The following PIEZO2 variants were observed in gnomAD, a reference collection of about 807,000 sequenced individuals.
PIEZO2 encodes the protein piezo-type mechanosensitive ion channel component 2.
In PIEZO2, 172 loss-of-function variants were observed where a neutral mutation model predicts 337.3. That is an observed-to-expected ratio of 0.51 (90% confidence interval 0.45 to 0.58). The LOEUF (loss-of-function observed/expected upper bound fraction) is 0.58. Among genes scored for constraint, PIEZO2 ranks in the 20% least tolerant of loss-of-function variants. The probability of loss-of-function intolerance (pLI) is 0.00; values close to 1 mark genes in which losing one functional copy is unlikely to be tolerated. For synonymous variants in PIEZO2, 1,251 were observed against 1,228.5 expected, an observed-to-expected ratio of 1.02 and a Z score of -0.38; for missense variants, 3,028 against 3,391.3, an observed-to-expected ratio of 0.89 and a Z score of 2.66.
intron 1 of PIEZO2, 34 bp from the exon 2 acceptor site, chr18:11,066,256 T>A: frequency 2.0e-6 from 3 of 1,488,724 alleles, no homozygotes; most frequent in Non-Finnish European, 2.7e-6. Flanking sequence ...AGTGAGAAGA[T>A]CATTAACAAA....
intron 2 of PIEZO2, among the ~76,000 whole-genome samples, chr18:11,018,220 GGT>G (rs3971612): frequency 0.35 from 49,937 of 143,594 alleles, 8,573 homozygotes; most frequent in African/African-American, 0.39. Flanking sequence ...TGGTGGTGGT[GGT>G]GTGTGTGTGT....
rs541203081 is a variant in PIEZO2 at position 10,780,685 on chromosome 18, T to C, written c.2493-319A>G. Reference sequence around the variant, plus strand: ...TTAAGGTACCTTTTTTTTTTTTTTTTCAGAGTCTTGCTCTGTCACCCAGGC... The same window carrying C: ...TTAAGGTACCTTTTTTTTTTTTTTTCCAGAGTCTTGCTCTGTCACCCAGGC... On this transcript the variant is annotated intron_variant, in intron 17 of 55. Coordinates refer to ENST00000674853, the MANE Select transcript of PIEZO2 (RefSeq NM_001378183.1). Among the ~76,000 whole-genome samples the C allele has an allele frequency of 1.3e-4, 20 of 150,430 alleles. No individual in the cohort carries two copies. In the South Asian group the frequency reaches 1.5e-3, roughly 11 times the overall value.
intron 3 of PIEZO2, among the ~76,000 whole-genome samples, chr18:10,978,682 T>G (rs140628750): frequency 1.3e-5 from 2 of 152,326 alleles, no homozygotes; most frequent in African/African-American, 4.8e-5. Context: ...AAAAGCAAGT[T>G]TGCTTGTACT....
intron 48 of PIEZO2, among the ~76,000 whole-genome samples, chr18:10,690,741 G>C (rs2034780229): frequency 6.6e-6 from 1 of 152,184 alleles, no homozygotes; most frequent in Non-Finnish European, 1.5e-5. Context: ...CATGTGCTTT[G>C]AGTAGTTAAC....
rs2144028224 is a variant in PIEZO2 at position 10,727,109 on chromosome 18, T to C, written c.5029+4298A>G. The stretch of plus-strand genomic sequence containing the variant: ...GGCAACATCAAAGGGTTTGTGTCCC[T>C]TGCTAGCCTCCCTGGGGCCTGGGGA... On this transcript the variant is annotated intron_variant, in intron 36 of 55. Transcript: ENST00000674853. This position sits in a 1 kb window ranked among gnomAD's most constrained non-coding sequence, Gnocchi z 6.3. 6.4e-6 allele frequency: 3 copies of C among 469,128 alleles called. No homozygotes were observed. In the South Asian group the frequency reaches 1.4e-4, roughly 21 times the overall value. 29.1% of individuals were successfully genotyped at this position (469,128 alleles called of 1,614,324 possible). A position where few individuals can be genotyped will look rare whatever the true frequency, so the allele number is the denominator to read the frequency against.
In PIEZO2 at chr18:10,698,975, C is replaced by T; in HGVS notation, c.6644G>A (p.Ser2215Asn). ...GCTGGATCTCTGGGATGGCTCGGAG[C>T]TGCTGCCGGAGCGCTTCCTCCGGAC... ...TAVRRKRSGS[S>N]SEPSQRSSFS... The change falls in exon 44 of 56, where the codon AGC becomes AAC. Residue 2215 changes from serine (S) to asparagine (N), a missense_variant. Transcript: ENST00000674853. 1 of 1,536,912 alleles carries T rather than the reference C, an allele frequency of 6.5e-7. No individual in the cohort carries two copies. The highest frequency in any genetic ancestry group is 8.7e-7 in the Non-Finnish European group (1 of 1,146,916).
At chr18:10,884,112 A>C (rs144272798) in intron 4 of PIEZO2, among the ~76,000 whole-genome samples, 31 of 152,092 alleles carry the variant, frequency 2.0e-4, no homozygotes, top group African/African-American at 7.2e-4. Flanking sequence ...CAACTGGCCT[A>C]TGAGTCCTAC....
chr18:10,703,939 G>C (rs912743669), intron 42 of PIEZO2, among the ~76,000 whole-genome samples: 23 of 152,116 alleles, frequency 1.5e-4, no homozygotes, highest in Non-Finnish European at 1.0e-4. Flanking sequence ...CCAAAGTGCC[G>C]GACTGTATGA....
At chr18:10,934,636 CGTGTGTGTGTGTGTGTGT>C (rs59190236) in intron 3 of PIEZO2, among the ~76,000 whole-genome samples, 1 of 130,736 alleles carries the variant, frequency 7.6e-6, no homozygotes, top group African/African-American at 2.9e-5. Flanking sequence ...ATTGTGTGTA[CGTGTGTGTGTGTGTGTGT>C]GTGTGTGTGT....
chr18:11,140,626 T>A (rs2040615423), intron 1 of PIEZO2, among the ~76,000 whole-genome samples: 1 of 151,404 alleles, frequency 6.6e-6, no homozygotes, highest in Non-Finnish European at 1.5e-5. Flanking sequence ...TTAGTGTAGA[T>A]CCTCAGAAAA....
intron 2 of PIEZO2, among the ~76,000 whole-genome samples, chr18:11,015,641 T>C (rs544068375): frequency 8.2e-4 from 125 of 152,286 alleles, no homozygotes; most frequent in South Asian, 1.2e-3. Flanking sequence ...GGTGGGCCCC[T>C]TTCCTGCTGC....
intron 32 of PIEZO2, among the ~76,000 whole-genome samples, chr18:10,742,205 G>T (rs569016517): frequency 6.6e-6 from 1 of 152,122 alleles, no homozygotes; most frequent in Non-Finnish European, 1.5e-5. Flanking sequence ...ACAAAATCCT[G>T]CCAATCTACT....
intron 47 of PIEZO2, 56 bp from the exon 48 acceptor site, chr18:10,691,439 G>A: frequency 6.5e-7 from 1 of 1,544,414 alleles, no homozygotes; most frequent in Non-Finnish European, 8.8e-7. Flanking sequence ...GAAACAAAAG[G>A]ATGGCAGTGT....
At chr18:11,012,657 A>G (rs1490465603) in intron 2 of PIEZO2, among the ~76,000 whole-genome samples, 1 of 152,204 alleles carries the variant, frequency 6.6e-6, no homozygotes, top group Non-Finnish European at 1.5e-5. Context: ...CTAGGCAGCC[A>G]TCCTTCTCTA....
chr18:10,752,981 C>T, intron 27 of PIEZO2, 102 bp from the exon 28 acceptor site: 5 of 1,361,082 alleles, frequency 3.7e-6, no homozygotes, highest in South Asian at 1.5e-5. Context: ...CTCTCTGCTG[C>T]ACCTTGCAAA....
At chr18:10,994,812 T>C (rs1475490169) in intron 2 of PIEZO2, among the ~76,000 whole-genome samples, 2 of 151,660 alleles carry the variant, frequency 1.3e-5, no homozygotes, top group African/African-American at 2.4e-5. Flanking sequence ...CCAGGCACAG[T>C]AGCTCACGCC....
intron 2 of PIEZO2, among the ~76,000 whole-genome samples, chr18:11,042,826 C>G (rs546929034): frequency 1.3e-5 from 2 of 152,140 alleles, no homozygotes; most frequent in Non-Finnish European, 2.9e-5. Flanking sequence ...CAGTATGTAA[C>G]TCAAGCTAAT....
intron 36 of PIEZO2, among the ~76,000 whole-genome samples, chr18:10,719,864 G>T (rs959033209): frequency 4.6e-5 from 7 of 151,896 alleles, no homozygotes; most frequent in Non-Finnish European, 1.0e-4. Context: ...GGTGGTTTAG[G>T]GTTACATATG....
chr18:10,682,245 A>G lies in PIEZO2; in HGVS notation c.7545T>C (p.Tyr2515=). The change falls in exon 50 of 56, where the codon TAT becomes TAC. Residue 2515 remains tyrosine (Y), a synonymous_variant. Coordinates refer to ENST00000674853, the MANE Select transcript of PIEZO2 (RefSeq NM_001378183.1). This position sits in a 1 kb window ranked among gnomAD's most constrained non-coding sequence, Gnocchi z 5.6. Reference sequence around the variant, plus strand: ...GGACGATGATCATTCCTCCCATGCCATACTTCACCACTTTCTTCTTCTTCT... The same window carrying G: ...GGACGATGATCATTCCTCCCATGCCGTACTTCACCACTTTCTTCTTCTTCT... ...RGQKKKKVVK[Y]GMGGMIIVLL... The G allele has an allele frequency of 1.3e-6, 2 of 1,537,210 alleles. No homozygotes were observed. The highest frequency in any genetic ancestry group is 1.2e-5 in the South Asian group (1 of 84,058).
Sources: gnomAD v4.1 joint callset for allele counts (sites outside exome capture counted in the v4.1 genomes callset) on GRCh38, gnomAD v4.1.1 for gene constraint, Gnocchi (gnomAD v3.1) non-coding constraint, MANE v1.5 for transcripts, NCBI Gene and HGNC (gene_info 2026-07-23, HGNC 2026-07-21) for gene names.